MYO1B: variants seen among roughly 807,000 people sequenced by gnomAD.
MYO1B encodes myosin IB, also known as unconventional myosin-Ib.
In MYO1B, 72 loss-of-function variants were observed where a neutral mutation model predicts 159.7. That is an observed-to-expected ratio of 0.45 (90% confidence interval 0.37 to 0.55). The LOEUF is 0.55. Among genes scored for constraint, MYO1B ranks in the 20% least tolerant of loss-of-function variants. The pLI, the probability that MYO1B is intolerant of heterozygous loss-of-function variation, is 0.00. For synonymous variants in MYO1B, 468 were observed against 473.8 expected (o/e 0.99, Z 0.16); for missense variants, 1,062 against 1,364.8 (o/e 0.78, Z 3.50).
chr2:191,330,089 A>T, intron 4 of MYO1B, 60 bp downstream of exon 4: 1 of 1,476,442 alleles, frequency 6.8e-7, no homozygotes, highest in Non-Finnish European at 9.4e-7. Context: ...GACAACAGCA[A>T]AGAGGACCAG....
chr2:191,249,614 A>G (rs1001088972), intron 1 of MYO1B, among the ~76,000 whole-genome samples: 10 of 152,230 alleles, frequency 6.6e-5, no homozygotes, highest in African/African-American at 2.2e-4. Context: ...CTGGAGTTTA[A>G]CACTTGGCAT....
At position 191,387,148 on chromosome 2, in the gene MYO1B, T is replaced by C; in HGVS notation, c.1555-76T>C. ...GGAAGTGGCTGCAATGTAGATAGTCTTGGAGTATTTTTAATAGTTGTTTGA... is the reference window on the plus strand; with the variant it reads ...GGAAGTGGCTGCAATGTAGATAGTCCTGGAGTATTTTTAATAGTTGTTTGA... On this transcript the variant is annotated intron_variant, in intron 16 of 30. Transcript: ENST00000392318. The C allele has an allele frequency of 2.1e-6, 3 of 1,419,338 alleles. No homozygotes were observed. In the South Asian group the frequency reaches 3.9e-5, roughly 19 times the overall value. 87.9% of individuals were successfully genotyped at this position (1,419,338 alleles called of 1,614,324 possible).
intron 2 of MYO1B, among the ~76,000 whole-genome samples, chr2:191,282,252 G>A (rs1688104823): frequency 6.6e-6 from 1 of 152,152 alleles, no homozygotes; most frequent in Admixed American, 6.5e-5. Flanking sequence ...ATATTATCTT[G>A]CTATTCCTGG....
At chr2:191,270,962 G>A (rs1282141425) in intron 1 of MYO1B, among the ~76,000 whole-genome samples, 1 of 152,188 alleles carries the variant, frequency 6.6e-6, no homozygotes, top group Non-Finnish European at 1.5e-5. Context: ...CTGTGAGGAC[G>A]TGCATTGTTG....
At chr2:191,396,587 G>C in intron 21 of MYO1B, 90 bp downstream of exon 21, 21 of 1,240,454 alleles carry the variant, frequency 1.7e-5, no homozygotes, top group Non-Finnish European at 2.1e-5. Flanking sequence ...GCAGAGGAGG[G>C]GCTCCTCTGT....
Position 191,354,388 on chromosome 2 carries a change from C to T in MYO1B, c.562+4163C>T, listed in dbSNP as rs1466343753. On this transcript the variant is annotated intron_variant, in intron 7 of 30. Transcript: ENST00000392318. ...AGAGTTTTGTTGAGAAATAAAGCTTCTGCTTTATTGGAAAATTTTGTCTGA... is the reference window on the plus strand; with the variant it reads ...AGAGTTTTGTTGAGAAATAAAGCTTTTGCTTTATTGGAAAATTTTGTCTGA... Among the ~76,000 whole-genome samples, 4 of 151,964 alleles carry T rather than the reference C, an allele frequency of 2.6e-5. No homozygotes were observed. The East Asian group carries it at 7.7e-4, about 29-fold the overall frequency.
Position 191,408,407 on chromosome 2 carries a change from T to C in MYO1B, c.2631+218T>C, listed in dbSNP as rs192854906. 1.3e-4 allele frequency among the ~76,000 whole-genome samples: 20 copies of C among 152,346 alleles called. No individual in the cohort carries two copies. In the East Asian group the frequency reaches 3.9e-3, roughly 29 times the overall value. ...CAGAAAGAGTTGTTAATGGCCCGTA[T>C]ATTATTAATACAGTGTTTGCCTTAT... On this transcript the variant is annotated intron_variant, in intron 25 of 30. Transcript: ENST00000392318.
intron 1 of MYO1B, among the ~76,000 whole-genome samples, chr2:191,262,106 TCTC>T (rs1686848363): frequency 6.6e-6 from 1 of 152,042 alleles, no homozygotes; most frequent in African/African-American, 2.4e-5. Context: ...CCTTGGCACA[TCTC>T]CTTTTCATTT....
At chr2:191,320,446 T>C (rs1690632527) in intron 3 of MYO1B, among the ~76,000 whole-genome samples, 1 of 152,186 alleles carries the variant, frequency 6.6e-6, no homozygotes, top group Non-Finnish European at 1.5e-5. Flanking sequence ...TTTATTATTT[T>C]GCCAATTCAC....
chr2:191,336,063 A>AG (rs1243517972), intron 4 of MYO1B, among the ~76,000 whole-genome samples: 3 of 152,172 alleles, frequency 2.0e-5, no homozygotes, highest in African/African-American at 2.4e-5. Flanking sequence ...TGATGGGGGC[A>AG]GGGGGGCAGA....
Position 191,414,543 on chromosome 2 carries a change from A to G in MYO1B, c.3033A>G (p.Thr1011=), listed in dbSNP as rs1404784856. 1.9e-6 allele frequency: 3 copies of G among 1,610,044 alleles called. No individual in the cohort carries two copies. The South Asian group carries it at 3.3e-5, about 18-fold the overall frequency. ...GKSTSRIFLL[T]NNNLLLADQK... The stretch of plus-strand genomic sequence containing the variant: ...GTACATCTCGGATTTTCCTCTTAAC[A>G]AACAATAATCTCCTTCTTGCTGACC... The change falls in exon 29 of 31, where the codon ACA becomes ACG. Residue 1011 remains threonine (T), a synonymous_variant. Coordinates refer to ENST00000392318, the MANE Select transcript of MYO1B (RefSeq NM_001130158.3).
chr2:191,248,109 C>A, intron 1 of MYO1B: 1 of 746,022 alleles, frequency 1.3e-6, no homozygotes, highest in Non-Finnish European at 1.6e-6. Flanking sequence ...TACCTCCCTT[C>A]TACTGTTTTC....
At chr2:191,269,181 C>T (rs560541018) in intron 1 of MYO1B, among the ~76,000 whole-genome samples, 4 of 152,332 alleles carry the variant, frequency 2.6e-5, no homozygotes, top group African/African-American at 9.6e-5. Context: ...CTCCCAGCCC[C>T]TGGTAACCAC....
chr2:191,396,334 C>A, intron 20 of MYO1B, 95 bp from the exon 21 acceptor site: 4 of 1,276,816 alleles, frequency 3.1e-6, no homozygotes, highest in Non-Finnish European at 4.5e-6. Flanking sequence ...ATAATTGAGT[C>A]AGTTAGACGA....
At chr2:191,274,456 C>G (rs1687633790) in intron 1 of MYO1B, among the ~76,000 whole-genome samples, 2 of 152,154 alleles carry the variant, frequency 1.3e-5, no homozygotes, top group South Asian at 4.1e-4. Context: ...TATAAATAGA[C>G]TATATACAGG....
rs775875595 is a variant in MYO1B, at chr2:191,360,646, C to A, written c.578C>A (p.Ser193Tyr). ...TTCTCTTTAGATCTTTTAGAGAAAT[C>A]TCGGGTTGTTAAACAGCCAAGAGGT... ...GVISNYLLEKSRVVKQPRGER... is the reference protein window; with the variant it reads ...GVISNYLLEKYRVVKQPRGER... The change falls in exon 8 of 31, where the codon TCT becomes TAT. Residue 193 changes from serine to tyrosine, a missense_variant. Ser to Tyr is a moderately radical substitution (Grantham distance 144). Transcript: ENST00000392318. 1 of 1,611,064 alleles carries A rather than the reference C, an allele frequency of 6.2e-7. No homozygotes were observed. The highest frequency in any genetic ancestry group is 1.1e-5 in the South Asian group (1 of 90,802).
intron 6 of MYO1B, among the ~76,000 whole-genome samples, chr2:191,349,297 C>T (rs1015275648): frequency 2.0e-5 from 3 of 152,114 alleles, no homozygotes; most frequent in African/African-American, 7.2e-5. Flanking sequence ...ATGCATAAGC[C>T]GATAAAAAGG....
chr2:191,344,056 T>C (rs1263509526), intron 5 of MYO1B, among the ~76,000 whole-genome samples: 2 of 152,190 alleles, frequency 1.3e-5, no homozygotes, highest in Non-Finnish European at 2.9e-5. Context: ...CTGAATAAAG[T>C]TTCTTTGAAG....
intron 13 of MYO1B, among the ~76,000 whole-genome samples, 189 bp downstream of exon 13, chr2:191,370,481 G>A (rs1694292461): frequency 6.7e-6 from 1 of 150,084 alleles, no homozygotes. Flanking sequence ...ATTTGGTTGT[G>A]TATTCCTGCA....
Sources: gnomAD v4.1 joint callset for allele counts (sites outside exome capture counted in the v4.1 genomes callset) on GRCh38, gnomAD v4.1.1 for gene constraint, MANE v1.5 for transcripts, NCBI Gene and HGNC (gene_info 2026-07-23, HGNC 2026-07-21) for gene names.